SLC1A3: variants seen among roughly 807,000 people sequenced by gnomAD.
SLC1A3 encodes the protein excitatory amino acid transporter 1.
SLC1A3 carries 21 observed loss-of-function variants against 48.1 expected under a neutral mutation model. That is an observed-to-expected ratio of 0.44 (90% confidence interval 0.31 to 0.63). The LOEUF is 0.63. Ranked by LOEUF, SLC1A3 falls within the 20% of genes least tolerant of loss-of-function variation. The pLI is 0.08. For synonymous variants in SLC1A3, 239 were observed against 251.4 expected (o/e 0.95, Z 0.47); for missense variants, 546 against 689.0 (o/e 0.79, Z 2.32).
At chr5:36,649,007 A>G (rs1245309468) in intron 3 of SLC1A3, among the ~76,000 whole-genome samples, 1 of 152,126 alleles carries the variant, frequency 6.6e-6, no homozygotes. Flanking sequence ...TCACACATCT[A>G]CCCTACTTGA....
At chr5:36,681,361 G>T (rs1742435940) in intron 8 of SLC1A3, among the ~76,000 whole-genome samples, 2 of 152,094 alleles carry the variant, frequency 1.3e-5, no homozygotes, top group Non-Finnish European at 2.9e-5. Flanking sequence ...CTTTTTAAAA[G>T]TGTTAGATTA....
At chr5:36,663,376 C>T (rs1041576274) in intron 3 of SLC1A3, among the ~76,000 whole-genome samples, 11 of 132,358 alleles carry the variant, frequency 8.3e-5, no homozygotes, top group Admixed American at 3.9e-4. Flanking sequence ...CCACCACGCC[C>T]GGCATTTTTT....
At chr5:36,601,766 T>C (rs188046494), upstream of SLC1A3, among the ~76,000 whole-genome samples, 19 of 151,970 alleles carry the variant, frequency 1.3e-4, no homozygotes, top group East Asian at 1.9e-3. Flanking sequence ...TTTTACATTG[T>C]AATGATTGAA....
chr5:36,617,170 CA>C (rs200020005), intron 2 of SLC1A3, among the ~76,000 whole-genome samples: 2 of 149,700 alleles, frequency 1.3e-5, no homozygotes, highest in Non-Finnish European at 1.5e-5. Context: ...TCCTTGTCTC[CA>C]AAAAAAAAGA....
intron 2 of SLC1A3, among the ~76,000 whole-genome samples, chr5:36,618,192 A>G (rs1238292935): frequency 6.6e-6 from 1 of 152,162 alleles, no homozygotes; most frequent in Non-Finnish European, 1.5e-5. Context: ...TCCATATACA[A>G]CACCCAAAGC....
intron 4 of SLC1A3, among the ~76,000 whole-genome samples, 165 bp from the exon 5 acceptor site, chr5:36,673,884 G>A (rs1161567935): frequency 2.6e-5 from 4 of 152,122 alleles, no homozygotes; most frequent in African/African-American, 7.2e-5. Flanking sequence ...CCACACTTAG[G>A]GAGGACCATA....
At chr5:36,602,021 A>C (rs752060410), upstream of SLC1A3, among the ~76,000 whole-genome samples, 1 of 152,146 alleles carries the variant, frequency 6.6e-6, no homozygotes, top group Non-Finnish European at 1.5e-5. Context: ...ATTGCAGCAC[A>C]AAGTGGTAAT....
At chr5:36,601,047 C>A (rs1738802359) in intron 1 of SLC1A3, among the ~76,000 whole-genome samples, 1 of 152,160 alleles carries the variant, frequency 6.6e-6, no homozygotes, top group African/African-American at 2.4e-5. Flanking sequence ...AGACCTCCTG[C>A]CAAAAAAATG....
intron 3 of SLC1A3, chr5:36,669,823 T>C (rs1741911855): frequency 6.6e-6 from 1 of 151,842 alleles, no homozygotes; most frequent in Non-Finnish European, 1.5e-5. Flanking sequence ...ATATTTAGAG[T>C]TCACACAAAC....
At chr5:36,679,335 T>C (rs1742337219) in intron 6 of SLC1A3, among the ~76,000 whole-genome samples, 1 of 152,188 alleles carries the variant, frequency 6.6e-6, no homozygotes, top group South Asian at 2.1e-4. Context: ...GCTCTGTATC[T>C]GCCTTTTCCC....
rs779389224 is a variant in SLC1A3 at position 36,679,619 on chromosome 5, C to T, written c.861-8C>T. ...GACTCCAACCGTGCTGGTGTTGCTT[C>T]TCCCCAGGTATGCCCCCGTGGGTAT... is the stretch of plus-strand genomic sequence containing the variant. On this transcript the variant is annotated splice_polypyrimidine_tract_variant and splice_region_variant and intron_variant, in intron 6 of 9. Coordinates refer to ENST00000265113, the MANE Select transcript of SLC1A3 (RefSeq NM_004172.5). 1.3e-6 allele frequency: 2 copies of T among 1,596,828 alleles called. No homozygotes were observed. Among genetic ancestry groups the T allele is most frequent in the Admixed American group, 1.7e-5 (1 of 60,004 alleles).
intron 5 of SLC1A3, among the ~76,000 whole-genome samples, chr5:36,676,138 G>C (rs1742197928): frequency 6.6e-6 from 1 of 152,190 alleles, no homozygotes; most frequent in Non-Finnish European, 1.5e-5. Context: ...GAGAAGATGA[G>C]CTGTCATCAC....
chr5:36,660,396 G>A (rs909885582), intron 3 of SLC1A3, among the ~76,000 whole-genome samples: 4 of 152,138 alleles, frequency 2.6e-5, no homozygotes, highest in Non-Finnish European at 5.9e-5. Context: ...ATATGAAGCT[G>A]AGAAGAAACT....
At chr5:36,670,330 G>A (rs938960214) in intron 3 of SLC1A3, among the ~76,000 whole-genome samples, 5 of 152,060 alleles carry the variant, frequency 3.3e-5, no homozygotes, top group African/African-American at 1.2e-4. Context: ...AGGAAGACAG[G>A]GTACAAGAAT....
chr5:36,612,141 T>G (rs1441817848), intron 2 of SLC1A3, among the ~76,000 whole-genome samples: 5 of 151,884 alleles, frequency 3.3e-5, no homozygotes, highest in Admixed American at 2.6e-4. Flanking sequence ...ATGGTCTCCT[T>G]GCACAGTTCA....
At position 36,686,247 on chromosome 5, in the gene SLC1A3, T is replaced by A. The variant is rs2111991751; in HGVS notation, c.1607T>A (p.Ile536Asn). The change falls in exon 10 of 10, where the codon ATC becomes AAC. Residue 536 changes from isoleucine (I) to asparagine (N), a missense_variant. Ile to Asn is a moderately radical substitution (Grantham distance 149). This residue lies in a region of SLC1A3 where 56 missense variants were observed against 59.0 expected (regional missense o/e 0.95). Coordinates refer to ENST00000265113, the MANE Select transcript of SLC1A3 (RefSeq NM_004172.5). ...IAQDNETEKP[I>N]DSETKM ...CAGGACAATGAAACTGAGAAACCCATCGACAGTGAAACCAAGATGTAGACT... is the reference window on the plus strand; with the variant it reads ...CAGGACAATGAAACTGAGAAACCCAACGACAGTGAAACCAAGATGTAGACT... 6.2e-7 allele frequency: 1 copy of A among 1,613,822 alleles called. No homozygotes were observed. The highest frequency in any genetic ancestry group is 8.5e-7 in the Non-Finnish European group (1 of 1,179,670).
chr5:36,670,873 T>A, intron 3 of SLC1A3, 156 bp from the exon 4 acceptor site: 1 of 702,332 alleles, frequency 1.4e-6, no homozygotes, highest in South Asian at 1.6e-5. Flanking sequence ...CCCTTCACCT[T>A]GTGAGATTTG....
At chr5:36,637,271 T>C (rs1195753237) in intron 3 of SLC1A3, among the ~76,000 whole-genome samples, 1 of 152,190 alleles carries the variant, frequency 6.6e-6, no homozygotes, top group Non-Finnish European at 1.5e-5. Flanking sequence ...ACCATTGGCT[T>C]AGAGGAGTTA....
At chr5:36,608,649 CTG>C in intron 2 of SLC1A3, 45 bp downstream of exon 2, 2 of 1,606,950 alleles carry the variant, frequency 1.2e-6, no homozygotes, top group Admixed American at 3.4e-5. Flanking sequence ...TCTTGTTTCT[CTG>C]GGGCATCTGG....
Sources: allele counts gnomAD v4.1 joint callset (sites outside exome capture counted in the v4.1 genomes callset), GRCh38; gene constraint gnomAD v4.1.1; regional missense constraint gnomAD v4.1.1; transcripts MANE v1.5; gene names NCBI Gene and HGNC (gene_info 2026-07-23, HGNC 2026-07-21).